KLHDC10: variants seen among roughly 807,000 people sequenced by gnomAD.
KLHDC10 encodes the protein kelch domain containing 10.
KLHDC10 carries 24 observed loss-of-function variants against 56.1 expected under a neutral mutation model. The ratio of observed to expected loss-of-function variants is 0.43; its 90% CI spans 0.31 to 0.60. The LOEUF is 0.60. Among genes scored for constraint, KLHDC10 ranks in the 20% least tolerant of loss-of-function variants. The pLI is 0.11. For synonymous variants in KLHDC10, 188 were observed against 207.1 expected (o/e 0.91, Z 0.79); for missense variants, 349 against 567.0 (o/e 0.62, Z 3.91).
chr7:130,087,820 G>A (rs1252833390), intron 1 of KLHDC10, among the ~76,000 whole-genome samples: 1 of 151,378 alleles, frequency 6.6e-6, no homozygotes, highest in Non-Finnish European at 1.5e-5. Context: ...GAGTGCAATG[G>A]TACAGTATCG....
intron 1 of KLHDC10, among the ~76,000 whole-genome samples, chr7:130,082,287 G>A (rs1217050124): frequency 6.6e-6 from 1 of 152,210 alleles, no homozygotes; most frequent in Non-Finnish European, 1.5e-5. Context: ...TCATGCCACT[G>A]CACTCTAGCC....
Position 130,116,656 on chromosome 7 carries a change from A to T in KLHDC10, c.465A>T (p.Ala155=), listed in dbSNP as rs771347547. The change falls in exon 3 of 10, where the codon GCA becomes GCT. Residue 155 remains alanine, a synonymous_variant. Transcript: ENST00000335420. The surrounding 1 kb of genome is among the most constrained non-coding windows in gnomAD (Gnocchi z 4.8). Reference sequence around the variant, plus strand: ...ATGGCTACATGCCCCGGGAATTGGCATCTATGTCACGTGAGTGCAAGCAGT... The same window carrying T: ...ATGGCTACATGCCCCGGGAATTGGCTTCTATGTCACGTGAGTGCAAGCAGT... The part of the protein sequence containing the change: ...GTDGYMPREL[A]SMSLVLHGNN... The T allele has an allele frequency of 6.2e-7, 1 of 1,613,976 alleles. No individual in the cohort carries two copies. The highest frequency in any genetic ancestry group is 2.2e-5 in the East Asian group (1 of 44,884).
Position 130,130,776 on chromosome 7 carries a change from A to G in KLHDC10, c.*30A>G. ...TTCTGGACTGTTCATTGATACTGGA[A>G]ATGTTAATTTAAAGAGACTCCTTTA... On this transcript the variant is annotated 3_prime_UTR_variant, in exon 10 of 10. Coordinates refer to ENST00000335420, the MANE Select transcript of KLHDC10 (RefSeq NM_014997.4). The surrounding 1 kb of genome is among the most constrained non-coding windows in gnomAD (Gnocchi z 4.2). 6.3e-7 allele frequency: 1 copy of G among 1,593,014 alleles called. No individual in the cohort carries two copies. The highest frequency in any genetic ancestry group is 8.6e-7 in the Non-Finnish European group (1 of 1,160,878).
At chr7:130,121,158 C>A (rs1388766542) in intron 4 of KLHDC10, among the ~76,000 whole-genome samples, 4 of 151,482 alleles carry the variant, frequency 2.6e-5, no homozygotes, top group Non-Finnish European at 5.9e-5. Context: ...AGGATGTAGA[C>A]CTGTATGGAA....
chr7:130,087,003 G>C (rs918175713), intron 1 of KLHDC10, among the ~76,000 whole-genome samples: 2 of 152,144 alleles, frequency 1.3e-5, no homozygotes, highest in Non-Finnish European at 2.9e-5. Flanking sequence ...ACCCAGTAAG[G>C]GAACAGATAC....
rs1289573777 is a variant in KLHDC10 at position 130,116,081 on chromosome 7, A to G, written c.254-364A>G. 6.6e-6 allele frequency among the ~76,000 whole-genome samples: 1 copy of G among 152,140 alleles called. No individual in the cohort carries two copies. Among genetic ancestry groups the G allele is most frequent in the Non-Finnish European group, 1.5e-5 (1 of 68,026 alleles). ...TTGGCCTGTGTTTTTTTCTCCTCTA[A>G]GGAAATAAGAAAACTTGTCCTGTTA... is the stretch of plus-strand genomic sequence containing the variant. On this transcript the variant is annotated intron_variant, in intron 2 of 9. Transcript: ENST00000335420. The surrounding 1 kb of genome is among the most constrained non-coding windows in gnomAD (Gnocchi z 4.8).
In KLHDC10 at chr7:130,070,746, G is replaced by A; in HGVS notation, c.103G>A (p.Gly35Arg). 7.7e-7 allele frequency: 1 copy of A among 1,296,826 alleles called. No individual in the cohort carries two copies. The highest frequency in any genetic ancestry group is 9.8e-7 in the Non-Finnish European group (1 of 1,021,046). The allele number at this position is 1,296,826 out of a possible 1,614,324, so 80.3% of individuals were successfully genotyped here. The change falls in exon 1 of 10, where the codon GGG (glycine) becomes AGG (arginine). Residue 35 changes from glycine to arginine, a missense_variant. Gly to Arg is a moderately radical substitution (Grantham distance 125). Around this residue, in one of 2 missense-constraint regions of KLHDC10, gnomAD observed 104 missense variants for 97.0 expected, o/e 1.07. Transcript: ENST00000335420. ...GGCCGGCGGGGGCAGTGGGGGCAGC[G>A]GGGGTCGGGGGACTGGCCAGCTCAA... ...SGAGGGSGGS[G>R]GRGTGQLNRF... is the part of the protein sequence containing the mutation.
In KLHDC10 at chr7:130,128,889, A is replaced by AAAAAAATAT; in HGVS notation, c.980-547_980-546insAAAAATATA. Among the ~76,000 whole-genome samples the AAAAAAATAT allele has an allele frequency of 7.8e-4, 52 of 66,948 alleles. 1 individual carries two copies. The highest frequency in any genetic ancestry group is 3.8e-3 in the African/African-American group (52 of 13,624). The allele number at this position is 66,948 out of a possible 152,430, so 43.9% of individuals were successfully genotyped here. A position where few individuals can be genotyped will look rare whatever the true frequency, so the allele number is the denominator to read the frequency against. On this transcript the variant is annotated intron_variant, in intron 8 of 9. Transcript: ENST00000335420. ...ACCTTGTCTCTTAAAAAAAAAAAAA[A>AAAAAAATAT]ATATATATATATATATATATATATA...
At position 130,130,441 on chromosome 7, in the gene KLHDC10, CATTTT is replaced by C; in HGVS notation, c.1120-95_1120-91del. The C allele has an allele frequency of 5.4e-6, 5 of 929,222 alleles. No individual in the cohort carries two copies. The highest frequency in any genetic ancestry group is 1.9e-5 in the Admixed American group (1 of 53,366). 57.6% of individuals were successfully genotyped at this position (929,222 alleles called of 1,614,324 possible). The stretch of plus-strand genomic sequence containing the variant: ...TCAGTGAGGAATTCTTGTTTCATTT[CATTTT>C]GATTCCATCTACTATGCTTTTTCCC... On this transcript the variant is annotated intron_variant, in intron 9 of 9. Transcript: ENST00000335420. This position sits in a 1 kb window ranked among gnomAD's most constrained non-coding sequence, Gnocchi z 4.2.
At chr7:130,117,371 T>G (rs1023647460) in intron 3 of KLHDC10, 6 of 152,714 alleles carry the variant, frequency 3.9e-5, no homozygotes, top group African/African-American at 1.4e-4. Flanking sequence ...TCACAAAAGA[T>G]TTCTCTGTAG....
chr7:130,103,721 G>A (rs1166564730), intron 2 of KLHDC10, among the ~76,000 whole-genome samples: 1 of 152,040 alleles, frequency 6.6e-6, no homozygotes, highest in Non-Finnish European at 1.5e-5. Context: ...TAAGTGGGGG[G>A]GTCAAAATAA....
chr7:130,121,347 G>C (rs546629546), intron 4 of KLHDC10, among the ~76,000 whole-genome samples: 1 of 152,254 alleles, frequency 6.6e-6, no homozygotes, highest in Admixed American at 6.5e-5. Context: ...GTAGAGATTA[G>C]TTTAGGTTCC....
At position 130,116,023 on chromosome 7, in the gene KLHDC10, A is replaced by T. The variant is rs1054766150; in HGVS notation, c.254-422A>T. 6.6e-6 allele frequency among the ~76,000 whole-genome samples: 1 copy of T among 152,118 alleles called. No homozygotes were observed. The highest frequency in any genetic ancestry group is 1.5e-5 in the Non-Finnish European group (1 of 68,006). On this transcript the variant is annotated intron_variant, in intron 2 of 9. Coordinates refer to ENST00000335420, the MANE Select transcript of KLHDC10 (RefSeq NM_014997.4). This position sits in a 1 kb window ranked among gnomAD's most constrained non-coding sequence, Gnocchi z 4.8. ...CTCATTCATATTCGTGATTATATTT[A>T]TTTAGTTCTCTAATATTCACAGTTT...
chr7:130,128,844 A>G (rs1158850736), intron 8 of KLHDC10, among the ~76,000 whole-genome samples: 1 of 137,610 alleles, frequency 7.3e-6, no homozygotes, highest in African/African-American at 2.8e-5. Flanking sequence ...GTTCAAGACC[A>G]GCCTGGGTAA....
intron 4 of KLHDC10, among the ~76,000 whole-genome samples, chr7:130,121,211 C>G (rs1218828559): frequency 6.6e-6 from 1 of 152,022 alleles, no homozygotes; most frequent in East Asian, 1.9e-4. Flanking sequence ...TCTACCCTCA[C>G]CCCCCGTGAG....
At position 130,120,921 on chromosome 7, in the gene KLHDC10, G is replaced by A; in HGVS notation, c.630+18G>A. The stretch of plus-strand genomic sequence containing the variant: ...ATGGACAGGTACCAATCTGTGGCCA[G>A]TCATGGTGTATTTGTTCATATTTTT... On this transcript the variant is annotated intron_variant, in intron 4 of 9. Coordinates refer to ENST00000335420, the MANE Select transcript of KLHDC10 (RefSeq NM_014997.4). This position sits in a 1 kb window ranked among gnomAD's most constrained non-coding sequence, Gnocchi z 5.1. The A allele has an allele frequency of 6.2e-7, 1 of 1,611,600 alleles. No individual in the cohort carries two copies. The highest frequency in any genetic ancestry group is 8.5e-7 in the Non-Finnish European group (1 of 1,178,498).
intron 1 of KLHDC10, among the ~76,000 whole-genome samples, chr7:130,089,494 A>G (rs941767905): frequency 6.6e-6 from 1 of 152,250 alleles, no homozygotes; most frequent in African/African-American, 2.4e-5. Context: ...GATACTCAGT[A>G]TATAAAGGTG....
At chr7:130,113,384 G>GT (rs1796126596) in intron 2 of KLHDC10, among the ~76,000 whole-genome samples, 1 of 151,368 alleles carries the variant, frequency 6.6e-6, no homozygotes, top group Admixed American at 6.6e-5. Context: ...CCAGGCTGGA[G>GT]TGCAGTGGCA....
At chr7:130,071,004 CTG>C (rs1795401327) in intron 1 of KLHDC10, among the ~76,000 whole-genome samples, 195 bp downstream of exon 1, 1 of 152,152 alleles carries the variant, frequency 6.6e-6, no homozygotes, top group Non-Finnish European at 1.5e-5. Context: ...AGAAAAGTAT[CTG>C]TGCTCTGTTG....
Sources: allele counts gnomAD v4.1 joint callset (sites outside exome capture counted in the v4.1 genomes callset), GRCh38; gene constraint gnomAD v4.1.1; regional missense constraint gnomAD v4.1.1; non-coding constraint Gnocchi (gnomAD v3.1); transcripts MANE v1.5; gene names NCBI Gene and HGNC (gene_info 2026-07-23, HGNC 2026-07-21).